PITPNM3: variants seen among roughly 807,000 people sequenced by gnomAD.
PITPNM3 encodes PITPNM family member 3, also known as membrane-associated phosphatidylinositol transfer protein 3.
In PITPNM3, 26 loss-of-function variants were observed where a neutral mutation model predicts 102.0. That is an observed-to-expected ratio of 0.25 (90% CI 0.19 to 0.35). The LOEUF (loss-of-function observed/expected upper bound fraction) is 0.35, where lower values mean the gene tolerates loss of function less well. Ranked by LOEUF, PITPNM3 falls within the 10% of genes least tolerant of loss-of-function variation. PITPNM3 has a pLI of 1.00. For synonymous variants in PITPNM3, 578 were observed against 558.6 expected (o/e 1.03, Z -0.49); for missense variants, 1,083 against 1,346.1 (o/e 0.80, Z 3.06).
chr17:6,500,882 G>A (rs769184690), intron 4 of PITPNM3, among the ~76,000 whole-genome samples: 2 of 152,010 alleles, frequency 1.3e-5, no homozygotes, highest in Non-Finnish European at 2.9e-5. Flanking sequence ...CACTATATTG[G>A]TCAGGCTGGT....
At chr17:6,515,045 G>A (rs939366048) in intron 3 of PITPNM3, among the ~76,000 whole-genome samples, 2 of 152,166 alleles carry the variant, frequency 1.3e-5, no homozygotes, top group Admixed American at 6.5e-5. Flanking sequence ...CAGGGGCTGG[G>A]AGAAGGGGAA....
intron 4 of PITPNM3, among the ~76,000 whole-genome samples, chr17:6,494,167 G>A (rs1253035449): frequency 2.6e-5 from 4 of 152,180 alleles, no homozygotes; most frequent in African/African-American, 9.7e-5. Context: ...GATTGGAAAG[G>A]TAAAGTGATT....
chr17:6,551,518 C>T (rs947753245), intron 1 of PITPNM3, among the ~76,000 whole-genome samples: 4 of 152,100 alleles, frequency 2.6e-5, no homozygotes, highest in African/African-American at 9.7e-5. Context: ...AATCGGTGCC[C>T]TAGGGCTGGG....
At chr17:6,501,118 G>A (rs1474426008) in intron 4 of PITPNM3, among the ~76,000 whole-genome samples, 2 of 152,328 alleles carry the variant, frequency 1.3e-5, no homozygotes, top group East Asian at 3.9e-4. Flanking sequence ...GGAAAACAGA[G>A]CTGTGGTTTG....
Position 6,484,247 on chromosome 17 carries a change from T to C in PITPNM3, c.320A>G (p.Gln107Arg), listed in dbSNP as rs1177701251. 1.2e-6 allele frequency: 2 copies of C among 1,612,634 alleles called. No individual in the cohort carries two copies. The highest frequency in any genetic ancestry group is 1.1e-5 in the South Asian group (1 of 91,062). The change falls in exon 5 of 20, where the codon CAG becomes CGG. Residue 107 changes from glutamine (Q) to arginine (R), a missense_variant. Transcript: ENST00000262483. ...VSLRRQRFPAQGSIEIHEDSE... is the reference protein window; with the variant it reads ...VSLRRQRFPARGSIEIHEDSE... ...GTCTTCGTGGATCTCGATGCTTCCCTGGGCTGGGAACCTCTGTCTTCTCAA... is the reference window on the plus strand; with the variant it reads ...GTCTTCGTGGATCTCGATGCTTCCCCGGGCTGGGAACCTCTGTCTTCTCAA...
At chr17:6,493,625 G>A (rs925920885) in intron 4 of PITPNM3, among the ~76,000 whole-genome samples, 3 of 152,198 alleles carry the variant, frequency 2.0e-5, no homozygotes, top group South Asian at 2.1e-4. Context: ...TGGGGGAGCT[G>A]GTGGCTGAGG....
At chr17:6,504,785 T>C (rs1907388311) in intron 3 of PITPNM3, among the ~76,000 whole-genome samples, 1 of 152,208 alleles carries the variant, frequency 6.6e-6, no homozygotes, top group South Asian at 2.1e-4. Flanking sequence ...TTGGGCAAGT[T>C]ACACAACCTG....
intron 6 of PITPNM3, 116 bp downstream of exon 6, chr17:6,483,401 C>T: frequency 1.0e-6 from 1 of 991,418 alleles, no homozygotes. Context: ...GATCTGACAC[C>T]CCAGAGAGTC....
At chr17:6,541,597 C>G (rs1385349473) in intron 1 of PITPNM3, among the ~76,000 whole-genome samples, 3 of 152,046 alleles carry the variant, frequency 2.0e-5, no homozygotes, top group African/African-American at 4.8e-5. Flanking sequence ...CACCTGCAAA[C>G]TTCAAGAGGA....
chr17:6,470,430 G>A lies in PITPNM3; in HGVS notation c.1625-22C>T, dbSNP rs1905011686. The A allele has an allele frequency of 6.2e-7, 1 of 1,613,962 alleles. No individual in the cohort carries two copies. Among genetic ancestry groups the A allele is most frequent in the Non-Finnish European group, 8.5e-7 (1 of 1,180,012 alleles). On this transcript the variant is annotated intron_variant, in intron 12 of 19. Coordinates refer to ENST00000262483, the MANE Select transcript of PITPNM3 (RefSeq NM_031220.4). The surrounding 1 kb of genome is among the most constrained non-coding windows in gnomAD (Gnocchi z 4.8). ...GTGACTGTGGGTCGGAGAGGAAGGT[G>A]AGGATGCGTGGCCGGCCCGGGGCCT... is the stretch of plus-strand genomic sequence containing the variant.
intron 1 of PITPNM3, among the ~76,000 whole-genome samples, chr17:6,552,437 T>C (rs943247078): frequency 3.3e-5 from 5 of 151,958 alleles, no homozygotes. Context: ...AATCAACCCT[T>C]CCCAACAAAG....
Position 6,477,223 on chromosome 17 carries a change from C to G in PITPNM3, c.901-10G>C, listed in dbSNP as rs77580616. 20,158 of 1,613,364 alleles carry G rather than the reference C, an allele frequency of 0.012. 781 individuals are homozygous for G. In the East Asian group the frequency reaches 0.16, roughly 13 times the overall value. On this transcript the variant is annotated splice_polypyrimidine_tract_variant and intron_variant, in intron 8 of 19. Coordinates refer to ENST00000262483, the MANE Select transcript of PITPNM3 (RefSeq NM_031220.4). ...CCGCGACTGGGGTGTCCTTTGGGAC[C>G]GAACAGGGGACAGGAGAGAAAAAGA... is the stretch of plus-strand genomic sequence containing the variant.
Position 6,503,507 on chromosome 17 carries a change from C to T in PITPNM3, c.274+20G>A, listed in dbSNP as rs762137497. The T allele has an allele frequency of 6.2e-7, 1 of 1,611,780 alleles. No individual in the cohort carries two copies. Among genetic ancestry groups the T allele is most frequent in the Non-Finnish European group, 8.5e-7 (1 of 1,179,208 alleles). ...CATCCAAGGGGAAGAAATGACCCCA[C>T]AGGGTCAGGCTTGACTCACGCTGCT... On this transcript the variant is annotated intron_variant, in intron 4 of 19. Transcript: ENST00000262483.
intron 4 of PITPNM3, among the ~76,000 whole-genome samples, chr17:6,484,522 A>G (rs1349155558): frequency 6.6e-6 from 1 of 152,236 alleles, no homozygotes; most frequent in Non-Finnish European, 1.5e-5. Context: ...GAGTGAGGCC[A>G]TCGCGGATGG....
intron 5 of PITPNM3, 91 bp downstream of exon 5, chr17:6,484,125 G>T: frequency 7.2e-7 from 1 of 1,379,626 alleles, no homozygotes; most frequent in South Asian, 1.2e-5. Context: ...ACGAAGAGCT[G>T]GAAGAAAACG....
chr17:6,509,000 A>G (rs1048011752), intron 3 of PITPNM3, among the ~76,000 whole-genome samples: 3 of 152,338 alleles, frequency 2.0e-5, no homozygotes, highest in Non-Finnish European at 2.9e-5. Flanking sequence ...TGCAAGGCTC[A>G]TGGGCCTGAC....
chr17:6,455,249 G>A lies in PITPNM3; in HGVS notation c.*89C>T, dbSNP rs1029447925. ...CACGGGAGGGAAAAAGCAGGAAAAC[G>A]CCTGTGTCGGGGAGAGGGCAGCCCC... On this transcript the variant is annotated 3_prime_UTR_variant, in exon 20 of 20. Coordinates refer to ENST00000262483, the MANE Select transcript of PITPNM3 (RefSeq NM_031220.4). 1 of 1,431,188 alleles carries A rather than the reference G, an allele frequency of 7.0e-7. No individual in the cohort carries two copies. Among genetic ancestry groups the A allele is most frequent in the African/African-American group, 1.4e-5 (1 of 69,522 alleles). The allele number at this position is 1,431,188 out of a possible 1,614,324, so 88.7% of individuals were successfully genotyped here.
At chr17:6,506,669 C>T (rs1486754065) in intron 3 of PITPNM3, among the ~76,000 whole-genome samples, 5 of 152,202 alleles carry the variant, frequency 3.3e-5, no homozygotes, top group Non-Finnish European at 5.9e-5. Flanking sequence ...CGCGCCCGGC[C>T]AGTGTTTTCT....
At chr17:6,545,047 C>T (rs975679629) in intron 1 of PITPNM3, among the ~76,000 whole-genome samples, 1 of 152,174 alleles carries the variant, frequency 6.6e-6, no homozygotes, top group East Asian at 1.9e-4. Flanking sequence ...CCTCCTCCCT[C>T]GAGGAAACCA....
Sources: allele counts gnomAD v4.1 joint callset (sites outside exome capture counted in the v4.1 genomes callset), GRCh38; gene constraint gnomAD v4.1.1; non-coding constraint Gnocchi (gnomAD v3.1); transcripts MANE v1.5; gene names NCBI Gene and HGNC (gene_info 2026-07-23, HGNC 2026-07-21).